The following LILRB2 variants were observed in gnomAD, a reference collection of about 807,000 sequenced individuals.
LILRB2 encodes leukocyte immunoglobulin-like receptor subfamily B member 2.
A neutral mutation model predicts 72.7 loss-of-function variants in LILRB2; 47 were observed. The observed-to-expected ratio is 0.65, with a 90% CI of 0.51 to 0.82. LILRB2 has a LOEUF of 0.82. Among genes scored for constraint, LILRB2 ranks in the 40% least tolerant of loss-of-function variants. The probability of loss-of-function intolerance (pLI) is 0.00; values close to 1 mark genes in which losing one functional copy is unlikely to be tolerated. For missense variants in LILRB2, 767 were observed against 764.8 expected (o/e 1.00, Z -0.03); for synonymous variants, 279 against 313.7 (o/e 0.89, Z 1.17).
intron 4 of LILRB2, 48 bp from the exon 5 acceptor site, chr19:54,279,695 A>G (rs763573001): frequency 1.9e-6 from 3 of 1,595,882 alleles, no homozygotes; most frequent in East Asian, 2.2e-5. Flanking sequence ...CACCTCCCAC[A>G]TCATCCCCAG....
rs367847827 is a variant in LILRB2, at chr19:54,274,225, CTCT to C, written c.*455_*457del. 60 of 158,504 alleles carry C rather than the reference CTCT, an allele frequency of 3.8e-4. No individual in the cohort carries two copies. The highest frequency in any genetic ancestry group is 1.0e-3 in the African/African-American group (42 of 41,584). The allele number at this position is 158,504 out of a possible 1,614,324, so 9.8% of individuals were successfully genotyped here. ...AGTTTTGGTTTTTCCTCATGAGCAA[CTCT>C]TCTTCTTCTTATTCCCTTTCTTACA... On this transcript the variant is annotated 3_prime_UTR_variant, in exon 14 of 14. Transcript: ENST00000314446.
Position 54,279,984 on chromosome 19 carries a change from T to G in LILRB2, c.162A>C (p.Glu54Asp), listed in dbSNP as rs1048072258. 4 of 1,613,944 alleles carry G rather than the reference T, an allele frequency of 2.5e-6. No homozygotes were observed. The highest frequency in any genetic ancestry group is 3.4e-6 in the Non-Finnish European group (4 of 1,179,990). The change falls in exon 4 of 14, where the codon GAA becomes GAC. Residue 54 changes from glutamate (E) to aspartate (D), a missense_variant. Physicochemically the swap from Glu to Asp is conservative, Grantham distance 45. Coordinates refer to ENST00000314446, the MANE Select transcript of LILRB2 (RefSeq NM_001080978.4). ...PVTLSCQGSL[E>D]AQEYRLYREK... is the part of the protein sequence containing the mutation. ...CCCTATATAGACGGTACTCCTGGGC[T>G]TCAAGGCTCCCCTGACAACTGAGGG... is the stretch of plus-strand genomic sequence containing the variant.
chr19:54,275,385 T>C, intron 13 of LILRB2: 1 of 510,730 alleles, frequency 2.0e-6, no homozygotes, highest in Admixed American at 3.0e-5. Context: ...CTGTCCAGGC[T>C]TCTCAGATGA....
chr19:54,280,211 C>G (rs1430110251), intron 3 of LILRB2, 53 bp downstream of exon 3: 1 of 1,613,282 alleles, frequency 6.2e-7, no homozygotes, highest in African/African-American at 1.3e-5. Context: ...ACGGAGGTGG[C>G]CCCTTGTCCC....
intron 9 of LILRB2, 137 bp downstream of exon 9, chr19:54,277,413 C>T: frequency 1.5e-6 from 2 of 1,378,074 alleles, no homozygotes; most frequent in South Asian, 2.6e-5. Context: ...CTCTCCTTTA[C>T]ACTTGGAGAA....
In LILRB2 at chr19:54,279,839, G is replaced by A. The variant is rs578109223; in HGVS notation, c.307C>T (p.Arg103Cys). 50 of 1,614,116 alleles carry A rather than the reference G, an allele frequency of 3.1e-5. No individual in the cohort carries two copies. The highest frequency in any genetic ancestry group is 2.6e-4 in the South Asian group (24 of 91,074). ...TCACTGAGCTCAGACCACCGAGCGC[G>A]GCTGTAATACTGACAGCCATATCGC... is the stretch of plus-strand genomic sequence containing the variant. ...TGRYGCQYYS[R>C]ARWSELSDPL... The change falls in exon 4 of 14, where the codon CGC becomes TGC. Residue 103 changes from arginine to cysteine, a missense_variant. Coordinates refer to ENST00000314446, the MANE Select transcript of LILRB2 (RefSeq NM_001080978.4).
Position 54,279,504 on chromosome 19 carries a change from G to C in LILRB2, c.499C>G (p.Leu167Val), listed in dbSNP as rs1280603965. 1 of 1,614,174 alleles carries C rather than the reference G, an allele frequency of 6.2e-7. No homozygotes were observed. Among genetic ancestry groups the C allele is most frequent in the African/African-American group, 1.3e-5 (1 of 75,044 alleles). The change falls in exon 5 of 14, where the codon CTG (leucine) becomes GTG (valine). Residue 167 changes from leucine to valine, a missense_variant. Physicochemically the swap from Leu to Val is conservative, Grantham distance 32 (BLOSUM62 1). Around this residue, in one of 3 missense-constraint regions of LILRB2, gnomAD observed 599 missense variants for 568.2 expected, o/e 1.05. Transcript: ENST00000314446. ...KEGEDEHPQCLNSQPHARGSS... is the reference protein window; with the variant it reads ...KEGEDEHPQCVNSQPHARGSS... ...CCACGGGCATGGGGCTGGGAGTTCA[G>C]GCATTGTGGGTGTTCATCTTCTCCT...
chr19:54,279,759 C>T lies in LILRB2; in HGVS notation c.355+32G>A, dbSNP rs535321977. The T allele has an allele frequency of 2.4e-4, 394 of 1,612,668 alleles. No individual in the cohort carries two copies. In the South Asian group the frequency reaches 3.9e-3, roughly 16 times the overall value. ...GAGAGCCTCCTTCCTGAGGGCAGAGCCTGGGGCTGGGATCCCTGAGTGTCC... is the reference window on the plus strand; with the variant it reads ...GAGAGCCTCCTTCCTGAGGGCAGAGTCTGGGGCTGGGATCCCTGAGTGTCC... On this transcript the variant is annotated intron_variant, in intron 4 of 13. Transcript: ENST00000314446.
chr19:54,277,432 C>A, intron 9 of LILRB2, 118 bp downstream of exon 9: 1 of 1,455,588 alleles, frequency 6.9e-7, no homozygotes, highest in South Asian at 1.2e-5. Context: ...AAACTGAGGC[C>A]CAGGCAGGGG....
chr19:54,279,147 C>A (rs779424366), intron 5 of LILRB2, 39 bp from the exon 6 acceptor site: 1 of 1,591,434 alleles, frequency 6.3e-7, no homozygotes, highest in East Asian at 2.2e-5. Context: ...AGCCGACCCT[C>A]AGGCTTCCCC....
At chr19:54,275,506 C>A in intron 13 of LILRB2, 1 of 511,884 alleles carries the variant, frequency 2.0e-6, no homozygotes, top group Non-Finnish European at 3.9e-6. Flanking sequence ...CTGGACATGG[C>A]GCATTTATTT....
At position 54,280,933 on chromosome 19, in the gene LILRB2, C is replaced by T. The variant is rs894545718; in HGVS notation, c.-49+28G>A. On this transcript the variant is annotated intron_variant, in intron 1 of 13. Coordinates refer to ENST00000314446, the MANE Select transcript of LILRB2 (RefSeq NM_001080978.4). ...GTCACCCTCCCTCCTTCAGCCCATCCATCAGCACAGCGTTGTGGGGTCCTT... is the reference window on the plus strand; with the variant it reads ...GTCACCCTCCCTCCTTCAGCCCATCTATCAGCACAGCGTTGTGGGGTCCTT... The T allele has an allele frequency of 8.2e-6, 11 of 1,344,152 alleles. No individual in the cohort carries two copies. The Admixed American group carries it at 1.2e-4, about 14-fold the overall frequency. 83.3% of individuals were successfully genotyped at this position (1,344,152 alleles called of 1,614,324 possible). A position where few individuals can be genotyped will look rare whatever the true frequency, so the allele number is the denominator to read the frequency against.
chr19:54,279,978 C>G lies in LILRB2; in HGVS notation c.168G>C (p.Gln56His). ...TLSCQGSLEAQEYRLYREKKS... is the reference protein window; with the variant it reads ...TLSCQGSLEAHEYRLYREKKS... ...TTTTCTCCCTATATAGACGGTACTC[C>G]TGGGCTTCAAGGCTCCCCTGACAAC... The change falls in exon 4 of 14, where the codon CAG (glutamine) becomes CAC (histidine). Residue 56 changes from glutamine to histidine, a missense_variant. Physicochemically the swap from Gln to His is conservative, Grantham distance 24. This residue lies in a region of LILRB2 where 599 missense variants were observed against 568.2 expected (regional missense o/e 1.05). Transcript: ENST00000314446. 1 of 1,614,124 alleles carries G rather than the reference C, an allele frequency of 6.2e-7. No individual in the cohort carries two copies. The highest frequency in any genetic ancestry group is 8.5e-7 in the Non-Finnish European group (1 of 1,180,008).
Position 54,276,922 on chromosome 19 carries a change from T to A in LILRB2, c.1365A>T (p.Gly455=). 6.2e-7 allele frequency: 1 copy of A among 1,613,200 alleles called. No individual in the cohort carries two copies. ...TGCCGATCACAACCCCCAGGTGCCT[T>A]CCCAGACCTTGAGCACGATGATGTC... The part of the protein sequence containing the change: ...PTGSDPQSGL[G]RHLGVVIGIL... Residue 455 remains glycine (G), a synonymous_variant, in exon 10 of 14, where the codon GGA becomes GGT. Transcript: ENST00000314446.
At chr19:54,275,617 C>T (rs2080181569) in intron 13 of LILRB2, 6 of 540,824 alleles carry the variant, frequency 1.1e-5, no homozygotes, top group South Asian at 9.2e-5. Flanking sequence ...ACAGTGAGCT[C>T]CCTGGGAACA....
intron 12 of LILRB2, 63 bp downstream of exon 12, chr19:54,276,201 T>C (rs1321244895): frequency 6.2e-7 from 1 of 1,609,078 alleles, no homozygotes; most frequent in Non-Finnish European, 8.5e-7. Flanking sequence ...CCTTTCCCCA[T>C]TGCTACGGAA....
chr19:54,278,956 G>A lies in LILRB2; in HGVS notation c.811C>T (p.Gln271Ter). 1 of 1,614,184 alleles carries A rather than the reference G, an allele frequency of 6.2e-7. No individual in the cohort carries two copies. ...ERDLRQLPGR[Q>*]PQAGLSQANF... is the part of the protein sequence containing the mutation. The stretch of plus-strand genomic sequence containing the variant: ...GCCTGGGAGAGCCCAGCCTGGGGCT[G>A]CCGGCCAGGGAGCTGGCGAAGGTCA... The change falls in exon 6 of 14, where the codon CAG becomes TAG. Residue 271 changes from glutamine to a stop codon, truncating the protein, a stop_gained. Transcript: ENST00000314446. LOFTEE classifies it high-confidence loss of function.
chr19:54,276,603 A>T (rs75008289), intron 10 of LILRB2, 147 bp from the exon 11 acceptor site: 1 of 1,434,778 alleles, frequency 7.0e-7, no homozygotes, highest in East Asian at 2.3e-5. Flanking sequence ...TCCGAAGGAC[A>T]CTTTACATTT....
intron 2 of LILRB2, 42 bp downstream of exon 2, chr19:54,280,421 T>A: frequency 6.2e-7 from 1 of 1,613,604 alleles, no homozygotes; most frequent in Non-Finnish European, 8.5e-7. Context: ...TGGGGTGAGG[T>A]CCCTCCTAGG....
Sources: gnomAD v4.1 joint callset for allele counts on GRCh38, gnomAD v4.1.1 for gene constraint, gnomAD v4.1.1 regional missense constraint, MANE v1.5 for transcripts, NCBI Gene and HGNC (gene_info 2026-07-23, HGNC 2026-07-21) for gene names.